The following PROCR variants were observed in gnomAD, a reference collection of about 807,000 sequenced individuals.
PROCR encodes protein C receptor.
A neutral mutation model predicts 24.2 loss-of-function variants in PROCR; 22 were observed. The observed-to-expected ratio is 0.91, with a 90% confidence interval of 0.65 to 1.30. The LOEUF is 1.30. PROCR is among the 50% of genes most tolerant of loss of function. The probability of loss-of-function intolerance (pLI) is 0.00; values close to 1 mark genes in which losing one functional copy is unlikely to be tolerated. For synonymous variants in PROCR, 137 were observed against 139.2 expected (o/e 0.98, Z 0.11); for missense variants, 288 against 307.7 (o/e 0.94, Z 0.48).
intron 1 of PROCR, among the ~76,000 whole-genome samples, chr20:35,210,521 T>G (rs1362701813): frequency 1.3e-5 from 2 of 152,120 alleles, no homozygotes; most frequent in African/African-American, 4.8e-5. Context: ...CACTCCAGCC[T>G]GGGCAACAGA....
In PROCR at chr20:35,210,503, C is replaced by T. The variant is rs187481196; in HGVS notation, c.95-5390C>T. ...TTGAGGCTGCAGTAAGCTACGGTTG[C>T]GCCACTGCACTCCAGCCTGGGCAAC... On this transcript the variant is annotated intron_variant, in intron 1 of 1. Transcript: ENST00000634509. 7.9e-5 allele frequency among the ~76,000 whole-genome samples: 12 copies of T among 151,124 alleles called. No individual in the cohort carries two copies. The East Asian group carries it at 1.8e-3, about 22-fold the overall frequency.
chr20:35,207,894 T>C (rs560255706), intron 1 of PROCR, among the ~76,000 whole-genome samples: 78 of 145,678 alleles, frequency 5.4e-4, no homozygotes, highest in Admixed American at 1.7e-3. Context: ...ACCTAAACTT[T>C]ATTATTATTT....
At chr20:35,210,551 C>T (rs1398270454) in intron 1 of PROCR, among the ~76,000 whole-genome samples, 2 of 152,016 alleles carry the variant, frequency 1.3e-5, no homozygotes, top group Non-Finnish European at 2.9e-5. Context: ...TGTCTCAAAA[C>T]AAACAAACAA....
chr20:35,182,198 T>C (rs550495002), downstream of PROCR, among the ~76,000 whole-genome samples: 45 of 152,282 alleles, frequency 3.0e-4, no homozygotes, highest in African/African-American at 9.6e-4. Flanking sequence ...GAGGAAGAGA[T>C]TTCAGATGCT....
chr20:35,176,048 A>G (rs1338071433), intron 2 of PROCR, 120 bp from the exon 3 acceptor site: 3 of 1,145,588 alleles, frequency 2.6e-6, no homozygotes, highest in African/African-American at 1.6e-5. Flanking sequence ...CCTGACCTAG[A>G]CTCCCCTCTC....
intron 1 of PROCR, among the ~76,000 whole-genome samples, chr20:35,194,512 A>C (rs2086199807): frequency 6.6e-6 from 1 of 151,980 alleles, no homozygotes; most frequent in South Asian, 2.1e-4. Flanking sequence ...TCCAAGGCAC[A>C]AATGGAGAGA....
chr20:35,181,218 T>C (rs577580537), downstream of PROCR, among the ~76,000 whole-genome samples: 16 of 151,936 alleles, frequency 1.1e-4, no homozygotes, highest in Non-Finnish European at 2.1e-4. Flanking sequence ...AAAATGACAT[T>C]CAAGGCCTTG....
intron 1 of PROCR, among the ~76,000 whole-genome samples, chr20:35,211,156 C>G (rs969959187): frequency 6.6e-6 from 1 of 152,142 alleles, no homozygotes; most frequent in Non-Finnish European, 1.5e-5. Flanking sequence ...GCATGAGTAC[C>G]GCTTACCAAG....
chr20:35,175,530 C>A (rs1325429237), intron 2 of PROCR, among the ~76,000 whole-genome samples: 1 of 149,710 alleles, frequency 6.7e-6, no homozygotes, highest in African/African-American at 2.5e-5. Flanking sequence ...CTTCCCCCAC[C>A]ATCATGGCCT....
intron 1 of PROCR, among the ~76,000 whole-genome samples, chr20:35,213,255 C>T (rs977148226): frequency 5.3e-5 from 8 of 152,046 alleles, no homozygotes; most frequent in African/African-American, 1.9e-4. Flanking sequence ...ATCGCTTGAA[C>T]CAAGGAAGCA....
At position 35,176,389 on chromosome 20, in the gene PROCR, C is replaced by T; in HGVS notation, c.544C>T (p.Leu182=). 1 of 1,614,230 alleles carries T rather than the reference C, an allele frequency of 6.2e-7. No individual in the cohort carries two copies. Among genetic ancestry groups the T allele is most frequent in the Non-Finnish European group, 8.5e-7 (1 of 1,180,046 alleles). The change falls in exon 3 of 4, where the codon CTG becomes TTG. Residue 182 remains leucine (L), a synonymous_variant. Transcript: ENST00000216968. The stretch of plus-strand genomic sequence containing the variant: ...CACTCGGTATGAACTGCGGGAATTC[C>T]TGGAGGACACCTGTGTGCAGTATGT... ...NRTRYELREF[L]EDTCVQYVQK...
chr20:35,177,132 A>G lies in PROCR; in HGVS notation c.*319A>G. 8.4e-7 allele frequency: 1 copy of G among 1,193,766 alleles called. No individual in the cohort carries two copies. Among genetic ancestry groups the G allele is most frequent in the Non-Finnish European group, 1.1e-6 (1 of 947,412 alleles). The allele number at this position is 1,193,766 out of a possible 1,614,324, so 73.9% of individuals were successfully genotyped here. A position where few individuals can be genotyped will look rare whatever the true frequency, so the allele number is the denominator to read the frequency against. On this transcript the variant is annotated 3_prime_UTR_variant, in exon 4 of 4. Coordinates refer to ENST00000216968, the MANE Select transcript of PROCR (RefSeq NM_006404.5). Reference sequence around the variant, plus strand: ...AGCCTATGGCCCATCCTCCAAAGACAGACAGAATCACCTGAGGCGTTCAAA... The same window carrying G: ...AGCCTATGGCCCATCCTCCAAAGACGGACAGAATCACCTGAGGCGTTCAAA...
rs1300422840 is a variant in PROCR at position 35,176,720 on chromosome 20, C to G, written c.624C>G (p.Tyr208Ter). ...NTKGSQTSRS[Y>*]TSLVLGVLVG... ...CAGGGAGCCAAACAAGCCGCTCCTA[C>G]ACTTCGCTGGTCCTGGGCGTCCTGG... Residue 208 changes from tyrosine to a stop codon, truncating the protein, a stop_gained, in exon 4 of 4, where the codon TAC (tyrosine) becomes TAG (stop). Transcript: ENST00000216968. LOFTEE classifies it high-confidence loss of function. 1.9e-6 allele frequency: 3 copies of G among 1,612,784 alleles called. No individual in the cohort carries two copies. The Admixed American group carries it at 5.0e-5, about 27-fold the overall frequency.
At chr20:35,201,206 T>C (rs192090584) in intron 1 of PROCR, among the ~76,000 whole-genome samples, 1 of 149,588 alleles carries the variant, frequency 6.7e-6, no homozygotes. Flanking sequence ...ACAACCAATA[T>C]ATTAAATTGG....
intron 1 of PROCR, among the ~76,000 whole-genome samples, chr20:35,174,179 G>C (rs2085981069): frequency 6.6e-6 from 1 of 152,178 alleles, no homozygotes; most frequent in African/African-American, 2.4e-5. Flanking sequence ...ATTAATGAAG[G>C]GGAGGGGGTT....
At chr20:35,171,900 G>A (rs1358409509), upstream of PROCR, among the ~76,000 whole-genome samples, 1 of 152,108 alleles carries the variant, frequency 6.6e-6, no homozygotes, top group Non-Finnish European at 1.5e-5. Context: ...GGCAGGTCTG[G>A]GCAGGAGGGA....
chr20:35,194,012 T>C lies in PROCR; in HGVS notation c.94+17566T>C, dbSNP rs377242365. Among the ~76,000 whole-genome samples, 9 of 151,308 alleles carry C rather than the reference T, an allele frequency of 5.9e-5. 1 individual carries two copies. The East Asian group carries it at 1.7e-3, about 29-fold the overall frequency. ...TGAGGTGTGATAAGAGCTGAGAGAGTGGAATCTCAGAAGCCAGGTGAAAAA... is the reference window on the plus strand; with the variant it reads ...TGAGGTGTGATAAGAGCTGAGAGAGCGGAATCTCAGAAGCCAGGTGAAAAA... On this transcript the variant is annotated intron_variant, in intron 1 of 1. Coordinates refer to the PROCR transcript ENST00000634509.
chr20:35,197,280 A>G (rs2060301396), intron 1 of PROCR, among the ~76,000 whole-genome samples: 1 of 152,128 alleles, frequency 6.6e-6, no homozygotes, highest in African/African-American at 2.4e-5. Flanking sequence ...TTATTATTAT[A>G]TCTGATGTGG....
At chr20:35,190,200 C>A (rs916156529) in intron 1 of PROCR, among the ~76,000 whole-genome samples, 3 of 152,114 alleles carry the variant, frequency 2.0e-5, no homozygotes, top group Admixed American at 2.0e-4. Context: ...TGTGTACTGG[C>A]ATATAACAGG....
Sources: allele counts gnomAD v4.1 joint callset (sites outside exome capture counted in the v4.1 genomes callset), GRCh38; gene constraint gnomAD v4.1.1; transcripts MANE v1.5; gene names NCBI Gene and HGNC (gene_info 2026-07-23, HGNC 2026-07-21).